Variants in NEGR1 observed in about 807,000 individuals in gnomAD.
The protein encoded by NEGR1 is neuronal growth regulator 1, also known as IgLON family member 4.
In NEGR1, 10 loss-of-function variants were observed where a neutral mutation model predicts 40.9. That is an observed-to-expected ratio of 0.24 (90% confidence interval 0.15 to 0.42). The LOEUF is 0.42. NEGR1 is among the 10% of genes least tolerant of loss of function. The probability of loss-of-function intolerance (pLI) is 1.00; values close to 1 mark genes in which losing one functional copy is unlikely to be tolerated. For synonymous variants in NEGR1, 185 were observed against 166.8 expected, an observed-to-expected ratio of 1.11 and a Z score of -0.84; for missense variants, 352 against 438.9, an observed-to-expected ratio of 0.80 and a Z score of 1.77.
rs1646625577 is a variant in NEGR1, at chr1:71,451,228, AT to A, written c.941-43659del. On this transcript the variant is annotated intron_variant, in intron 6 of 6. Coordinates refer to ENST00000357731, the MANE Select transcript of NEGR1 (RefSeq NM_173808.3). Reference sequence around the variant, plus strand: ...AGAAGTTCTTAAACTGCTTTAGCATATTCTAACAAAGTTCTGAGGTTTTTTT... The same window carrying A: ...AGAAGTTCTTAAACTGCTTTAGCATATCTAACAAAGTTCTGAGGTTTTTTT... Among the ~76,000 whole-genome samples the A allele has an allele frequency of 2.0e-5, 3 of 152,142 alleles. 1 individual carries two copies. Among genetic ancestry groups the A allele is most frequent in the Non-Finnish European group, 4.4e-5 (3 of 68,024 alleles).
rs192404976 is a variant in NEGR1, at chr1:71,766,168, G to A, written c.535+10004C>T. 9.3e-3 allele frequency among the ~76,000 whole-genome samples: 782 copies of A among 84,410 alleles called. 3 individuals are homozygous for A. The highest frequency in any genetic ancestry group is 0.016 in the Non-Finnish European group (594 of 37,580). The allele number at this position is 84,410 out of a possible 152,430, so 55.4% of individuals were successfully genotyped here. On this transcript the variant is annotated intron_variant, in intron 3 of 6. Coordinates refer to ENST00000357731, the MANE Select transcript of NEGR1 (RefSeq NM_173808.3). ...AGCCTGGGCAAGAGAGCAAGACTCC[G>A]TCTCAAAAAAAAAAAAAAAAAAGAA...
At chr1:71,834,908 C>CACACACACACACACACACAG in intron 2 of NEGR1, among the ~76,000 whole-genome samples, 1 of 152,066 alleles carries the variant, frequency 6.6e-6, no homozygotes, top group South Asian at 2.1e-4. Flanking sequence ...CACACACACA[C>CACACACACACACACACACAG]AGCAGTTATC....
chr1:71,522,922 C>G (rs1647170841), intron 6 of NEGR1, among the ~76,000 whole-genome samples: 1 of 151,884 alleles, frequency 6.6e-6, no homozygotes, highest in Non-Finnish European at 1.5e-5. Context: ...GATTGCCTGG[C>G]TGCATGATCA....
rs1455093959 is a variant in NEGR1, at chr1:72,282,482, G to C, written c.13C>G (p.Leu5Val). 1.2e-6 allele frequency: 2 copies of C among 1,611,102 alleles called. No homozygotes were observed. The highest frequency in any genetic ancestry group is 8.5e-7 in the Non-Finnish European group (1 of 1,179,376). The stretch of plus-strand genomic sequence containing the variant: ...GAGCAACAAGCACCCTGCACCAACA[G>C]CATCATGTCCATCCCTGCTAGGGCT... MDMM[L>V]LVQGACCSNQ... The change falls in exon 1 of 7, where the codon CTG (leucine) becomes GTG (valine). Residue 5 changes from leucine (L) to valine (V), a missense_variant. Physicochemically the swap from Leu to Val is conservative, Grantham distance 32. Transcript: ENST00000357731.
intron 1 of NEGR1, among the ~76,000 whole-genome samples, chr1:72,099,309 C>T (rs2100240374): frequency 6.6e-6 from 1 of 151,896 alleles, no homozygotes; most frequent in South Asian, 2.1e-4. Context: ...TTTTCCTATC[C>T]TAGCTTACAT....
intron 4 of NEGR1, among the ~76,000 whole-genome samples, chr1:71,615,118 A>G (rs753425935): frequency 6.6e-5 from 10 of 152,204 alleles, no homozygotes; most frequent in Non-Finnish European, 1.3e-4. Context: ...ATAAACTTGA[A>G]CCAAAAACCT....
At chr1:71,780,660 T>C (rs1478152604) in intron 2 of NEGR1, among the ~76,000 whole-genome samples, 1 of 152,250 alleles carries the variant, frequency 6.6e-6, no homozygotes, top group Non-Finnish European at 1.5e-5. Flanking sequence ...ATTCATAACA[T>C]GCTTTCCCTT....
intron 4 of NEGR1, among the ~76,000 whole-genome samples, chr1:71,691,114 T>C (rs1653263751): frequency 6.6e-6 from 1 of 151,910 alleles, no homozygotes; most frequent in African/African-American, 2.4e-5. Flanking sequence ...GATATCAGAC[T>C]CATTAAGTAA....
intron 6 of NEGR1, among the ~76,000 whole-genome samples, chr1:71,500,453 A>AT (rs1451889168): frequency 1.3e-5 from 2 of 151,990 alleles, no homozygotes; most frequent in African/African-American, 4.8e-5. Context: ...TAATATCTTG[A>AT]TTTTTGGAAT....
chr1:72,265,429 C>G (rs1389507955), intron 1 of NEGR1, among the ~76,000 whole-genome samples: 1 of 151,002 alleles, frequency 6.6e-6, no homozygotes, highest in Middle Eastern at 3.4e-3. Context: ...AATGTAAACA[C>G]CCAATTTAAT....
chr1:71,819,519 T>G (rs1557664802), intron 2 of NEGR1, among the ~76,000 whole-genome samples: 1 of 151,790 alleles, frequency 6.6e-6, no homozygotes, highest in Non-Finnish European at 1.5e-5. Flanking sequence ...TAAGCAAGTA[T>G]TTACTAAAAC....
chr1:71,722,883 A>C (rs1654555675), intron 3 of NEGR1, among the ~76,000 whole-genome samples: 1 of 152,096 alleles, frequency 6.6e-6, no homozygotes, highest in Non-Finnish European at 1.5e-5. Context: ...TTCCTTGTGT[A>C]CCTTTGCAAT....
intron 2 of NEGR1, among the ~76,000 whole-genome samples, chr1:71,826,775 G>A (rs1479742430): frequency 6.6e-6 from 1 of 151,906 alleles, no homozygotes; most frequent in African/African-American, 2.4e-5. Context: ...CAAGGGCAGG[G>A]ATAGCTAGTT....
chr1:71,497,970 C>T (rs1646976050), intron 6 of NEGR1, among the ~76,000 whole-genome samples: 1 of 151,948 alleles, frequency 6.6e-6, no homozygotes, highest in South Asian at 2.1e-4. Context: ...AACAAATGTA[C>T]ACTGAATTAA....
chr1:71,666,292 C>A (rs531542469), intron 4 of NEGR1, among the ~76,000 whole-genome samples: 2 of 152,236 alleles, frequency 1.3e-5, no homozygotes, highest in South Asian at 4.1e-4. Flanking sequence ...TAACAATAGT[C>A]ATTTGCATTA....
chr1:71,557,977 T>C (rs1396772764), intron 6 of NEGR1, among the ~76,000 whole-genome samples: 1 of 151,504 alleles, frequency 6.6e-6, no homozygotes, highest in Non-Finnish European at 1.5e-5. Context: ...AGCCCCTCTA[T>C]TTGGATTTCT....
chr1:71,554,733 C>G (rs1008144548), intron 6 of NEGR1, among the ~76,000 whole-genome samples: 3 of 151,442 alleles, frequency 2.0e-5, no homozygotes, highest in Non-Finnish European at 4.4e-5. Context: ...TATTATTTCT[C>G]TTAATCAAAG....
intron 3 of NEGR1, among the ~76,000 whole-genome samples, chr1:71,699,993 C>G (rs1396505494): frequency 6.6e-6 from 1 of 152,014 alleles, no homozygotes; most frequent in South Asian, 2.1e-4. Flanking sequence ...GATTAAACCT[C>G]TTTTTCCTCT....
intron 1 of NEGR1, among the ~76,000 whole-genome samples, chr1:72,205,756 CAAAAAAAAAAAA>C (rs35490878): frequency 5.5e-4 from 17 of 30,892 alleles, no homozygotes; most frequent in East Asian, 1.4e-3. Flanking sequence ...CCCATTTCTA[CAAAAAAAAAAAA>C]AAAAAAAAAA....
Sources: gnomAD v4.1 joint callset for allele counts (sites outside exome capture counted in the v4.1 genomes callset) on GRCh38, gnomAD v4.1.1 for gene constraint, MANE v1.5 for transcripts, NCBI Gene and HGNC (gene_info 2026-07-23, HGNC 2026-07-21) for gene names.